Variants in PHIP observed in about 807,000 individuals in gnomAD.
PHIP encodes PHIP subunit of CUL4-Ring ligase complex.
Under a neutral mutation model 236.8 loss-of-function variants are expected in PHIP, and 54 were observed. The ratio of observed to expected loss-of-function variants is 0.23; its 90% CI spans 0.18 to 0.29. PHIP has a LOEUF of 0.29. PHIP is among the 10% of genes least tolerant of loss of function. The pLI is 1.00. For missense variants in PHIP, 1,370 were observed against 2,190.8 expected, an observed-to-expected ratio of 0.63 and a Z score of 7.48; for synonymous variants, 756 against 718.9, an observed-to-expected ratio of 1.05 and a Z score of -0.83.
At chr6:79,073,045 C>T (rs1773965466) in intron 4 of PHIP, among the ~76,000 whole-genome samples, 1 of 152,132 alleles carries the variant, frequency 6.6e-6, no homozygotes, top group Admixed American at 6.5e-5. Context: ...TCCCTCAATA[C>T]GATTCTGCCT....
chr6:78,967,374 T>G (rs1261233834), intron 27 of PHIP, among the ~76,000 whole-genome samples: 1 of 152,164 alleles, frequency 6.6e-6, no homozygotes, highest in African/African-American at 2.4e-5. Context: ...GAGCTGTATC[T>G]TATGACCCTA....
intron 15 of PHIP, among the ~76,000 whole-genome samples, chr6:79,009,388 T>C (rs977484143): frequency 1.3e-5 from 2 of 152,110 alleles, no homozygotes; most frequent in African/African-American, 2.4e-5. Flanking sequence ...TTTCAAGGCA[T>C]AGTTTCAATT....
In PHIP at chr6:78,939,635, A is replaced by C. The variant is rs1266420215; in HGVS notation, c.*1058T>G. ...CATTTATCAATATATACACATACACACACAGACACGTTTCTTTGTAAGTCA... is the reference window on the plus strand; with the variant it reads ...CATTTATCAATATATACACATACACCCACAGACACGTTTCTTTGTAAGTCA... On this transcript the variant is annotated 3_prime_UTR_variant, in exon 40 of 40. Transcript: ENST00000275034. 2 of 152,012 alleles carry C rather than the reference A, an allele frequency of 1.3e-5. No individual in the cohort carries two copies. Among genetic ancestry groups the C allele is most frequent in the Admixed American group, 6.6e-5 (1 of 15,262 alleles). 9.4% of individuals were successfully genotyped at this position (152,012 alleles called of 1,614,324 possible). A position where few individuals can be genotyped will look rare whatever the true frequency, so the allele number is the denominator to read the frequency against.
chr6:79,027,131 T>C (rs2127749102), intron 7 of PHIP, among the ~76,000 whole-genome samples: 1 of 152,254 alleles, frequency 6.6e-6, no homozygotes, highest in South Asian at 2.1e-4. Flanking sequence ...TGGAGGCATA[T>C]AATTCAGACA....
intron 7 of PHIP, among the ~76,000 whole-genome samples, chr6:79,026,543 T>TA (rs1358527514): frequency 6.6e-6 from 1 of 152,054 alleles, no homozygotes; most frequent in Non-Finnish European, 1.5e-5. Flanking sequence ...TGTTTTGTAA[T>TA]ACAAAACTAA....
intron 37 of PHIP, 134 bp from the exon 38 acceptor site, chr6:78,946,394 T>C (rs891942486): frequency 1.4e-5 from 19 of 1,392,618 alleles, no homozygotes; most frequent in Non-Finnish European, 1.3e-5. Flanking sequence ...GTGGATTTCA[T>C]ATGATTGTGA....
chr6:79,054,878 C>T (rs887433871), intron 6 of PHIP, among the ~76,000 whole-genome samples: 4 of 151,748 alleles, frequency 2.6e-5, no homozygotes, highest in Non-Finnish European at 5.9e-5. Flanking sequence ...TGACTGTTTG[C>T]TGTCTTTATT....
chr6:78,988,200 A>G lies in PHIP; in HGVS notation c.2460+9T>C, dbSNP rs1562155918. ...TGACATCTAATTTATGAATGTGCTG[A>G]TATCTTACATCTGAAGAACTACTGC... is the stretch of plus-strand genomic sequence containing the variant. On this transcript the variant is annotated intron_variant, in intron 21 of 39. Transcript: ENST00000275034. 5.8e-6 allele frequency: 9 copies of G among 1,546,304 alleles called. No homozygotes were observed. The highest frequency in any genetic ancestry group is 2.1e-5 in the Admixed American group (1 of 48,396).
intron 32 of PHIP, chr6:78,956,406 G>A (rs1222167557): frequency 6.6e-6 from 1 of 152,060 alleles, no homozygotes; most frequent in Non-Finnish European, 1.5e-5. Context: ...GTCAACTGTA[G>A]CAGTCAATCT....
chr6:79,037,855 T>G (rs1772017290), intron 7 of PHIP, among the ~76,000 whole-genome samples: 2 of 152,214 alleles, frequency 1.3e-5, no homozygotes, highest in Non-Finnish European at 2.9e-5. Flanking sequence ...TCAGATACTC[T>G]GCAAGGCACT....
intron 9 of PHIP, 81 bp from the exon 10 acceptor site, chr6:79,019,240 C>A (rs1007930548): frequency 1.5e-5 from 15 of 1,012,324 alleles, no homozygotes; most frequent in Non-Finnish European, 2.3e-5. Flanking sequence ...AAAAATAATC[C>A]CAGAAGGACA....
intron 6 of PHIP, among the ~76,000 whole-genome samples, chr6:79,051,736 G>T (rs927418795): frequency 1.3e-5 from 2 of 152,090 alleles, no homozygotes; most frequent in African/African-American, 4.8e-5. Flanking sequence ...GGGTAGATAT[G>T]ATAATTATTA....
intron 7 of PHIP, among the ~76,000 whole-genome samples, chr6:79,033,157 T>C (rs1771755240): frequency 3.9e-5 from 6 of 152,060 alleles, no homozygotes; most frequent in Admixed American, 3.9e-4. Context: ...GACTTTGTAG[T>C]TCCCTTTACA....
At chr6:79,005,688 G>A (rs1374910635) in intron 15 of PHIP, among the ~76,000 whole-genome samples, 3 of 151,988 alleles carry the variant, frequency 2.0e-5, no homozygotes, top group African/African-American at 4.8e-5. Context: ...ACAAGTCTAA[G>A]ATTACAATTT....
chr6:79,021,626 C>T (rs1026468677), intron 9 of PHIP, among the ~76,000 whole-genome samples: 6 of 152,120 alleles, frequency 3.9e-5, no homozygotes, highest in African/African-American at 1.4e-4. Flanking sequence ...AAGGCAGGCA[C>T]AGAAAGACAA....
chr6:79,071,092 A>C (rs1582323510), intron 4 of PHIP, among the ~76,000 whole-genome samples: 2 of 152,216 alleles, frequency 1.3e-5, no homozygotes, highest in Admixed American at 1.3e-4. Flanking sequence ...TTGCCACCTA[A>C]ATTTTCTTAT....
chr6:79,021,344 T>C (rs1771106596), intron 9 of PHIP, among the ~76,000 whole-genome samples: 1 of 152,130 alleles, frequency 6.6e-6, no homozygotes. Context: ...ACAGGAGTTT[T>C]ACCATGTTGG....
At chr6:79,065,493 T>C (rs1408790451) in intron 4 of PHIP, among the ~76,000 whole-genome samples, 1 of 152,100 alleles carries the variant, frequency 6.6e-6, no homozygotes, top group Admixed American at 6.6e-5. Context: ...GACTTTATCA[T>C]ATAGCATACA....
At chr6:78,968,887 T>C (rs1292431600) in intron 27 of PHIP, among the ~76,000 whole-genome samples, 1 of 152,218 alleles carries the variant, frequency 6.6e-6, no homozygotes, top group Non-Finnish European at 1.5e-5. Context: ...TTCCAATTTT[T>C]TCCCCCTGAA....
Sources: gnomAD v4.1 joint callset for allele counts (sites outside exome capture counted in the v4.1 genomes callset) on GRCh38, gnomAD v4.1.1 for gene constraint, MANE v1.5 for transcripts, NCBI Gene and HGNC (gene_info 2026-07-23, HGNC 2026-07-21) for gene names.